Variants in COL5A2 observed in about 807,000 individuals in gnomAD.
COL5A2 encodes the protein collagen alpha-2(V) chain.
A neutral mutation model predicts 208.2 loss-of-function variants in COL5A2; 23 were observed. That is an observed-to-expected ratio of 0.11 (90% CI 0.08 to 0.16). The LOEUF (loss-of-function observed/expected upper bound fraction) is 0.16. Ranked by LOEUF, COL5A2 falls within the 10% of genes least tolerant of loss-of-function variation. COL5A2 has a pLI of 1.00. For missense variants in COL5A2, 1,590 were observed against 1,956.4 expected, an observed-to-expected ratio of 0.81 and a Z score of 3.53; for synonymous variants, 625 against 628.5, an observed-to-expected ratio of 0.99 and a Z score of 0.08.
At chr2:189,203,840 T>C (rs956006316) in intron 1 of COL5A2, among the ~76,000 whole-genome samples, 2 of 152,042 alleles carry the variant, frequency 1.3e-5, no homozygotes, top group Admixed American at 6.5e-5. Flanking sequence ...GAGAATAAAA[T>C]TGGAGAACTT....
the COL5A2 span, among the ~76,000 whole-genome samples, chr2:189,266,108 A>T: frequency 6.6e-6 from 1 of 152,170 alleles, no homozygotes; most frequent in African/African-American, 2.4e-5. Context: ...ATATCCATGC[A>T]AGGGAATATT....
At chr2:189,306,469 T>C in the COL5A2 span, among the ~76,000 whole-genome samples, 3 of 152,332 alleles carry the variant, frequency 2.0e-5, no homozygotes, top group East Asian at 5.8e-4. Flanking sequence ...GGACCTATAA[T>C]AAATGCATCT....
At chr2:189,077,631 A>G (rs1686438943) in intron 16 of COL5A2, among the ~76,000 whole-genome samples, 1 of 152,184 alleles carries the variant, frequency 6.6e-6, no homozygotes, top group Non-Finnish European at 1.5e-5. Context: ...ACTATATTCT[A>G]TAATATTCTC....
chr2:189,339,004 G>A, the COL5A2 span, among the ~76,000 whole-genome samples: 1 of 152,096 alleles, frequency 6.6e-6, no homozygotes, highest in Non-Finnish European at 1.5e-5. Flanking sequence ...CTGCATAGAT[G>A]TGGCAAAATA....
chr2:189,056,524 A>G (rs1559082264), intron 35 of COL5A2, among the ~76,000 whole-genome samples: 1 of 152,174 alleles, frequency 6.6e-6, no homozygotes, highest in East Asian at 1.9e-4. Flanking sequence ...TAATGATAAC[A>G]TTAATGACGA....
chr2:189,035,405 G>A (rs1036898028), intron 52 of COL5A2, among the ~76,000 whole-genome samples: 1 of 151,932 alleles, frequency 6.6e-6, no homozygotes. Flanking sequence ...AATAATTCAC[G>A]AGAACAAGCA....
At chr2:189,391,346 T>C in the COL5A2 span, among the ~76,000 whole-genome samples, 3 of 152,174 alleles carry the variant, frequency 2.0e-5, no homozygotes, top group African/African-American at 7.2e-5. Flanking sequence ...TGTATGGTAG[T>C]AGGAATTACA....
At chr2:189,374,405 C>G in the COL5A2 span, among the ~76,000 whole-genome samples, 3 of 151,066 alleles carry the variant, frequency 2.0e-5, no homozygotes, top group African/African-American at 7.3e-5. Context: ...TCACTATTAA[C>G]AACAAATCAA....
At position 189,072,046 on chromosome 2, in the gene COL5A2, T is replaced by C. The variant is rs531278365; in HGVS notation, c.1152A>G (p.Gly384=). ...ATTAACATTAACATCTTACCTTCAT[T>C]CCAGGATTTCCTGGAAAACCAGAAG... is the stretch of plus-strand genomic sequence containing the variant. The part of the protein sequence containing the change: ...PGSSGFPGNP[G]MKGEAGPTGA... Residue 384 remains glycine, a synonymous_variant, in exon 18 of 54, where the codon GGA becomes GGG. Transcript: ENST00000374866. 1 of 1,603,270 alleles carries C rather than the reference T, an allele frequency of 6.2e-7. No individual in the cohort carries two copies. Among genetic ancestry groups the C allele is most frequent in the East Asian group, 2.2e-5 (1 of 44,672 alleles).
At chr2:189,242,622 A>G in the COL5A2 span, among the ~76,000 whole-genome samples, 2 of 152,336 alleles carry the variant, frequency 1.3e-5, no homozygotes, top group Admixed American at 1.3e-4. Context: ...ATTCAAAGAT[A>G]TACTGTTTTG....
intron 1 of COL5A2, among the ~76,000 whole-genome samples, chr2:189,191,132 G>A (rs1452761589): frequency 1.6e-5 from 1 of 62,062 alleles, no homozygotes; most frequent in Non-Finnish European, 3.3e-5. Flanking sequence ...GGGAGATTAG[G>A]GAAACCATAA....
chr2:189,050,716 G>T, intron 42 of COL5A2, 40 bp from the exon 43 acceptor site: 1 of 1,487,642 alleles, frequency 6.7e-7, no homozygotes, highest in Non-Finnish European at 9.2e-7. Context: ...ACTATCCAGG[G>T]TAAAACTGTA....
chr2:189,053,122 G>A (rs558698771), intron 38 of COL5A2, 104 bp from the exon 39 acceptor site: 3 of 982,922 alleles, frequency 3.1e-6, no homozygotes, highest in Admixed American at 4.3e-5. Flanking sequence ...TTGTGAAACA[G>A]TGCTTTATAA....
intron 35 of COL5A2, among the ~76,000 whole-genome samples, chr2:189,055,360 G>C (rs1685881139): frequency 2.6e-5 from 4 of 152,144 alleles, no homozygotes; most frequent in Admixed American, 2.6e-4. Context: ...GAAACTGTGG[G>C]AATATTGAAG....
At chr2:189,275,640 A>G in the COL5A2 span, among the ~76,000 whole-genome samples, 408 of 152,000 alleles carry the variant, frequency 2.7e-3, 3 homozygotes, top group African/African-American at 9.3e-3. Context: ...TTTAGTAGAG[A>G]CGGGCTTTCA....
Position 189,033,903 on chromosome 2 carries a change from T to C in COL5A2, c.*167A>G, listed in dbSNP as rs1413310875. On this transcript the variant is annotated 3_prime_UTR_variant, in exon 54 of 54. Coordinates refer to ENST00000374866, the MANE Select transcript of COL5A2 (RefSeq NM_000393.5). ...ACTTGAGGATTGTAAGTAAAATAAA[T>C]ATTCTGAAGGATAAGGAGGCCAGGC... The C allele has an allele frequency of 6.4e-6, 5 of 784,450 alleles. No homozygotes were observed. Among genetic ancestry groups the C allele is most frequent in the East Asian group, 2.6e-5 (1 of 38,202 alleles). 48.6% of individuals were successfully genotyped at this position (784,450 alleles called of 1,614,324 possible). A position where few individuals can be genotyped will look rare whatever the true frequency, so the allele number is the denominator to read the frequency against.
the COL5A2 span, among the ~76,000 whole-genome samples, chr2:189,358,166 G>C: frequency 1.3e-5 from 2 of 151,834 alleles, no homozygotes; most frequent in African/African-American, 4.8e-5. Flanking sequence ...AGCTGTTCCT[G>C]TTTGGCCATA....
chr2:189,133,381 C>A (rs575602016), intron 1 of COL5A2, among the ~76,000 whole-genome samples: 2 of 152,030 alleles, frequency 1.3e-5, no homozygotes, highest in East Asian at 2.0e-4. Context: ...GGCCCCCCAA[C>A]AAGTGCTGGG....
At chr2:189,402,648 G>C in the COL5A2 span, among the ~76,000 whole-genome samples, 1 of 152,220 alleles carries the variant, frequency 6.6e-6, no homozygotes, top group African/African-American at 2.4e-5. Flanking sequence ...TTATTAAATA[G>C]GGAATCTTTC....
Sources: allele counts gnomAD v4.1 joint callset (sites outside exome capture counted in the v4.1 genomes callset), GRCh38; gene constraint gnomAD v4.1.1; transcripts MANE v1.5; gene names NCBI Gene and HGNC (gene_info 2026-07-23, HGNC 2026-07-21).